Variants in PCNT observed in about 807,000 individuals in gnomAD.
The protein encoded by PCNT is pericentrin, also known as kendrin.
A neutral mutation model predicts 380.4 loss-of-function variants in PCNT; 319 were observed. The observed-to-expected ratio is 0.84, with a 90% CI of 0.77 to 0.92. The LOEUF (loss-of-function observed/expected upper bound fraction) is 0.92. Ranked by LOEUF, PCNT falls within the 40% of genes least tolerant of loss-of-function variation. The probability of loss-of-function intolerance (pLI) is 0.00; values close to 1 mark genes in which losing one functional copy is unlikely to be tolerated. For missense variants in PCNT, 4,400 were observed against 4,255.3 expected (o/e 1.03, Z -0.95); for synonymous variants, 1,845 against 1,735.2 (o/e 1.06, Z -1.57).
intron 31 of PCNT, among the ~76,000 whole-genome samples, chr21:46,419,677 C>T (rs1410371229): frequency 6.6e-6 from 1 of 152,212 alleles, no homozygotes; most frequent in East Asian, 1.9e-4. Flanking sequence ...CCAAGCCTTC[C>T]AAGCACAGCA....
chr21:46,427,741 T>C lies in PCNT; in HGVS notation c.7440T>C (p.Asp2480=). 1 of 1,613,676 alleles carries C rather than the reference T, an allele frequency of 6.2e-7. No homozygotes were observed. Among genetic ancestry groups the C allele is most frequent in the Non-Finnish European group, 8.5e-7 (1 of 1,180,002 alleles). The change falls in exon 34 of 47, where the codon GAT becomes GAC. Residue 2480 remains aspartate (D), a synonymous_variant. Transcript: ENST00000359568. The part of the protein sequence containing the change: ...VELQPRLSGS[D]LGGHSSLLER... ...TGCAGCCCCGACTCAGTGGCTCAGATCTGGGGGGTCACAGCTCCCTGCTCG... is the reference window on the plus strand; with the variant it reads ...TGCAGCCCCGACTCAGTGGCTCAGACCTGGGGGGTCACAGCTCCCTGCTCG...
chr21:46,423,598 A>G (rs1199487477), intron 32 of PCNT, among the ~76,000 whole-genome samples: 2 of 150,142 alleles, frequency 1.3e-5, no homozygotes, highest in Non-Finnish European at 3.0e-5. Context: ...AATTTGATTA[A>G]TGTTAACTCT....
chr21:46,389,495 C>T (rs1668143531), intron 19 of PCNT, 64 bp downstream of exon 19: 16 of 1,354,000 alleles, frequency 1.2e-5, no homozygotes, highest in East Asian at 2.3e-5. Context: ...TGATGCCACA[C>T]GAGCCTGGTG....
chr21:46,383,803 C>T lies in PCNT; in HGVS notation c.3312+1963C>T, dbSNP rs1292948378. ...GGTGTTGTGCGTTCAGTGGCAGAAG[C>T]GCATTCACGGTGTTGTGCGTTCAGT... On this transcript the variant is annotated intron_variant, in intron 16 of 46. Coordinates refer to ENST00000359568, the MANE Select transcript of PCNT (RefSeq NM_006031.6). Among the ~76,000 whole-genome samples the T allele has an allele frequency of 2.8e-5, 4 of 143,984 alleles. 1 individual carries two copies. Among genetic ancestry groups the T allele is most frequent in the Non-Finnish European group, 4.6e-5 (3 of 65,914 alleles). 94.5% of individuals were successfully genotyped at this position (143,984 alleles called of 152,430 possible). A position where few individuals can be genotyped will look rare whatever the true frequency, so the allele number is the denominator to read the frequency against.
At chr21:46,400,313 G>C (rs1015253008) in intron 25 of PCNT, among the ~76,000 whole-genome samples, 3 of 152,066 alleles carry the variant, frequency 2.0e-5, no homozygotes, top group Admixed American at 6.5e-5. Flanking sequence ...ATGGCTGGAG[G>C]GGGCAGGGCT....
At chr21:46,441,183 A>G (rs2053598406) in intron 43 of PCNT, 99 bp downstream of exon 43, 2 of 775,914 alleles carry the variant, frequency 2.6e-6, no homozygotes, top group African/African-American at 1.7e-5. Flanking sequence ...TTGAAACTCC[A>G]TAATATGTTC....
Position 46,443,866 on chromosome 21 carries a change from CG to C in PCNT, c.9760del (p.Asp3254MetfsTer36). The C allele has an allele frequency of 6.2e-7, 1 of 1,613,286 alleles. No individual in the cohort carries two copies. The highest frequency in any genetic ancestry group is 8.5e-7 in the Non-Finnish European group (1 of 1,179,966). On this transcript the variant is annotated frameshift_variant, in exon 45 of 47. Transcript: ENST00000359568. LOFTEE classifies it high-confidence loss of function. ...CAGAACCAGAGAGTCCCCCCCAACC[CG>C]GGATGTACCCTCTGGCCACACCAGG... is the stretch of plus-strand genomic sequence containing the variant. ...PPRTRESPPTRDVPSGHTRDP... is the reference protein window; with the variant it reads ...PPRTRESPPTXDVPSGHTRDP...
chr21:46,399,534 A>G, intron 24 of PCNT, 56 bp from the exon 25 acceptor site: 1 of 1,379,628 alleles, frequency 7.2e-7, no homozygotes, highest in South Asian at 1.2e-5. Flanking sequence ...TTGTTTGGAA[A>G]ATGGGTTTTT....
chr21:46,417,526 T>C (rs991554480), intron 30 of PCNT, among the ~76,000 whole-genome samples: 2 of 143,194 alleles, frequency 1.4e-5, no homozygotes, highest in African/African-American at 3.0e-5. Context: ...GTTTCACATA[T>C]GCTAATTAAT....
chr21:46,406,113 T>G (rs1301384818), intron 27 of PCNT, among the ~76,000 whole-genome samples: 2 of 152,244 alleles, frequency 1.3e-5, no homozygotes, highest in Non-Finnish European at 2.9e-5. Context: ...GATGTTTGTC[T>G]TCTAGAAGCG....
At chr21:46,444,316 G>A (rs1359108926) in intron 45 of PCNT, among the ~76,000 whole-genome samples, 3 of 152,180 alleles carry the variant, frequency 2.0e-5, no homozygotes, top group East Asian at 1.9e-4. Flanking sequence ...TGGGCCTGGC[G>A]GAAGGCTAGG....
rs781202719 is a variant in PCNT, at chr21:46,425,782, C to A, written c.7180-49C>A. On this transcript the variant is annotated intron_variant, in intron 32 of 46. Coordinates refer to ENST00000359568, the MANE Select transcript of PCNT (RefSeq NM_006031.6). This position sits in a 1 kb window ranked among gnomAD's most constrained non-coding sequence, Gnocchi z 4.2. ...GGGCCGCAGGTGGTGTAGAGCGTGGCTGTGTGGGGTGGCAGGCAACTCCCT... is the reference window on the plus strand; with the variant it reads ...GGGCCGCAGGTGGTGTAGAGCGTGGATGTGTGGGGTGGCAGGCAACTCCCT... 3 of 1,610,164 alleles carry A rather than the reference C, an allele frequency of 1.9e-6. No individual in the cohort carries two copies. Among genetic ancestry groups the A allele is most frequent in the Non-Finnish European group, 2.5e-6 (3 of 1,179,418 alleles).
In PCNT at chr21:46,443,923, G is replaced by A; in HGVS notation, c.9814G>A (p.Ala3272Thr). The A allele has an allele frequency of 6.2e-7, 1 of 1,612,426 alleles. No individual in the cohort carries two copies. The highest frequency in any genetic ancestry group is 1.1e-5 in the South Asian group (1 of 91,014). ...TGCCAGAGGCCGCAGACTGGCAGCA[G>A]CAGCCTCCCCACACAGTGGGGGAAG... ...DPARGRRLAA[A>T]ASPHSGGRAT... The change falls in exon 45 of 47, where the codon GCA (alanine) becomes ACA (threonine). Residue 3272 changes from alanine to threonine, a missense_variant. By Grantham distance (58) the Ala-to-Thr change is moderately conservative. Coordinates refer to ENST00000359568, the MANE Select transcript of PCNT (RefSeq NM_006031.6).
At position 46,397,431 on chromosome 21, in the gene PCNT, T is replaced by C; in HGVS notation, c.4383T>C (p.Thr1461=). The C allele has an allele frequency of 6.2e-7, 1 of 1,614,208 alleles. No homozygotes were observed. The highest frequency in any genetic ancestry group is 8.5e-7 in the Non-Finnish European group (1 of 1,180,030). ...RGCAKQAEAV[T]ALEQQVASLD... is the part of the protein sequence containing the mutation. ...GTGCCAAGCAGGCGGAGGCCGTCAC[T>C]GCCCTGGAACAGCAGGTGGCATCTC... Residue 1461 remains threonine, a synonymous_variant, in exon 22 of 47, where the codon ACT becomes ACC. Coordinates refer to ENST00000359568, the MANE Select transcript of PCNT (RefSeq NM_006031.6).
Position 46,407,340 on chromosome 21 carries a change from C to CTTTTTTTTTTTT in PCNT, c.5116-3841_5116-3830dup, listed in dbSNP as rs899881614. 1.1e-3 allele frequency among the ~76,000 whole-genome samples: 112 copies of CTTTTTTTTTTTT among 106,408 alleles called. 7 individuals carry two copies. The highest frequency in any genetic ancestry group is 1.3e-3 in the South Asian group (4 of 3,144). The allele number at this position is 106,408 out of a possible 152,430, so 69.8% of individuals were successfully genotyped here. Reference sequence around the variant, plus strand: ...TTGCATAAAGAAGTTTATACTTTCTCTTTTTTTTTTTTTTTTTTTGAGACG... The same window carrying CTTTTTTTTTTTT: ...TTGCATAAAGAAGTTTATACTTTCTCTTTTTTTTTTTTTTTTTTTTTTTTTTTTTTTGAGACG... On this transcript the variant is annotated intron_variant, in intron 27 of 46. Transcript: ENST00000359568.
At chr21:46,444,927 T>G (rs1053280026) in intron 46 of PCNT, 106 bp downstream of exon 46, 25 of 1,059,650 alleles carry the variant, frequency 2.4e-5, no homozygotes, top group Non-Finnish European at 3.7e-5. Context: ...AACCAAAGTT[T>G]CAGTCTGAAC....
chr21:46,444,073 C>T, intron 45 of PCNT, 125 bp downstream of exon 45: 1 of 1,040,122 alleles, frequency 9.6e-7, no homozygotes, highest in East Asian at 2.6e-5. Flanking sequence ...GGAAACTCTC[C>T]AGCGTGAGTC....
chr21:46,411,138 A>T, intron 27 of PCNT, 51 bp from the exon 28 acceptor site: 1 of 1,566,728 alleles, frequency 6.4e-7, no homozygotes, highest in East Asian at 2.2e-5. Context: ...AAGTAGGGAC[A>T]TTCGGAAGTG....
rs1182252353 is a variant in PCNT at position 46,366,977 on chromosome 21, G to A, written c.3003G>A (p.Leu1001=). ...TACGAGCAGACTTTGAGGAACAACT[G>A]TGGAAAAAGGACTCTCTTCACCAAA... ...ELLRADFEEQ[L]WKKDSLHQTI... is the part of the protein sequence containing the mutation. Residue 1001 remains leucine (L), a synonymous_variant, in exon 15 of 47, where the codon CTG becomes CTA. Coordinates refer to ENST00000359568, the MANE Select transcript of PCNT (RefSeq NM_006031.6). 5 of 1,614,082 alleles carry A rather than the reference G, an allele frequency of 3.1e-6. No individual in the cohort carries two copies. Among genetic ancestry groups the A allele is most frequent in the Non-Finnish European group, 4.2e-6 (5 of 1,180,026 alleles).
Sources: gnomAD v4.1 joint callset for allele counts (sites outside exome capture counted in the v4.1 genomes callset) on GRCh38, gnomAD v4.1.1 for gene constraint, Gnocchi (gnomAD v3.1) non-coding constraint, MANE v1.5 for transcripts, NCBI Gene and HGNC (gene_info 2026-07-23, HGNC 2026-07-21) for gene names.